The following ADCY4 variants were observed in gnomAD, a reference collection of about 807,000 sequenced individuals.
The protein encoded by ADCY4 is adenylate cyclase type 4.
Under a neutral mutation model 125.5 loss-of-function variants are expected in ADCY4, and 111 were observed. The ratio of observed to expected loss-of-function variants is 0.88; its 90% CI spans 0.76 to 1.04. ADCY4 has a LOEUF of 1.04. Among genes scored for constraint, ADCY4 ranks in the 50% least tolerant of loss-of-function variants. The probability of loss-of-function intolerance (pLI) is 0.00; values close to 1 mark genes in which losing one functional copy is unlikely to be tolerated. For missense variants in ADCY4, 1,256 were observed against 1,382.9 expected, an observed-to-expected ratio of 0.91 and a Z score of 1.46; for synonymous variants, 576 against 586.9, an observed-to-expected ratio of 0.98 and a Z score of 0.27.
chr14:24,324,940 G>A (rs930087050), intron 14 of ADCY4, among the ~76,000 whole-genome samples: 2 of 152,082 alleles, frequency 1.3e-5, no homozygotes, highest in East Asian at 3.9e-4. Flanking sequence ...CTGACCTCAG[G>A]TGATCCACCT....
Position 24,334,875 on chromosome 14 carries a change from T to G in ADCY4, c.-223A>C. On this transcript the variant is annotated 5_prime_UTR_variant, in exon 1 of 25. Coordinates refer to ENST00000418030, the MANE Select transcript of ADCY4 (RefSeq NM_001198568.2). ...GGATCCCTCAGTCCTTTCCTCCTCC[T>G]CCCTCAAACCCGGATTGTAGAGGTG... 1 of 525,408 alleles carries G rather than the reference T, an allele frequency of 1.9e-6. No homozygotes were observed. The highest frequency in any genetic ancestry group is 3.3e-6 in the Non-Finnish European group (1 of 299,266). The allele number at this position is 525,408 out of a possible 1,614,324, so 32.5% of individuals were successfully genotyped here.
At chr14:24,330,804 G>A (rs1393873484) in intron 6 of ADCY4, 13 of 545,442 alleles carry the variant, frequency 2.4e-5, no homozygotes, top group South Asian at 1.6e-4. Flanking sequence ...CATCTGTGGC[G>A]ATATTGAGGG....
At position 24,325,964 on chromosome 14, in the gene ADCY4, G is replaced by A. The variant is rs191733977; in HGVS notation, c.1656-77C>T. 3,245 of 1,583,782 alleles carry A rather than the reference G, an allele frequency of 2.0e-3. 5 individuals are homozygous for A. The highest frequency in any genetic ancestry group is 2.5e-3 in the Non-Finnish European group (2,898 of 1,161,850). ...AAGGGCAGGAAGAGGGCAGAGTGAG[G>A]GCAAGAGGGGGTGGTCAGGCGAGTC... On this transcript the variant is annotated intron_variant, in intron 12 of 24. Coordinates refer to ENST00000418030, the MANE Select transcript of ADCY4 (RefSeq NM_001198568.2).
chr14:24,330,716 G>A (rs1018411669), intron 6 of ADCY4: 11 of 383,988 alleles, frequency 2.9e-5, no homozygotes, highest in East Asian at 1.7e-4. Flanking sequence ...ATATCAGAAC[G>A]TCTCTATAGA....
At chr14:24,321,906 A>G in intron 20 of ADCY4, 160 bp downstream of exon 20, 1 of 1,375,502 alleles carries the variant, frequency 7.3e-7, no homozygotes, top group Non-Finnish European at 9.4e-7. Context: ...TCACCAAAGA[A>G]AGAATCTAAG....
chr14:24,326,585 GT>G, intron 10 of ADCY4: 1 of 400,414 alleles, frequency 2.5e-6, no homozygotes, highest in South Asian at 3.1e-5. Context: ...GTGTGTGTGT[GT>G]GTGTGTGTGT....
At position 24,334,722 on chromosome 14, in the gene ADCY4, G is replaced by T. The variant is rs2042106877; in HGVS notation, c.-70C>A. 5.3e-6 allele frequency: 7 copies of T among 1,309,332 alleles called. No homozygotes were observed. The South Asian group carries it at 1.0e-4, about 19-fold the overall frequency. 81.1% of individuals were successfully genotyped at this position (1,309,332 alleles called of 1,614,324 possible). A position where few individuals can be genotyped will look rare whatever the true frequency, so the allele number is the denominator to read the frequency against. ...CGGGTTACCTCCTTCGGCCCGGCGG[G>T]CCCCACCTGAGCTTTTCTCACCCGC... On this transcript the variant is annotated 5_prime_UTR_variant, in exon 1 of 25. Transcript: ENST00000418030.
chr14:24,326,369 G>A, intron 10 of ADCY4, 27 bp from the exon 11 acceptor site: 7 of 1,596,416 alleles, frequency 4.4e-6, no homozygotes, highest in Non-Finnish European at 5.9e-6. Flanking sequence ...GGGGGAGGTG[G>A]GCATGGTGGG....
rs566576676 is a variant in ADCY4 at position 24,329,473 on chromosome 14, G to A, written c.1278C>T (p.Asp426=). 1.4e-5 allele frequency: 22 copies of A among 1,581,012 alleles called. No individual in the cohort carries two copies. In the South Asian group the frequency reaches 1.4e-4, roughly 10 times the overall value. The change falls in exon 9 of 25, where the codon GAC becomes GAT. Residue 426 remains aspartate (D), a synonymous_variant. Transcript: ENST00000418030. ...ALLAGAYAVE[D]AGMEHRDPYL... Reference sequence around the variant, plus strand: ...AGGGGTCCCGATGCTCCATGCCTGCGTCCTCCACAGCATAAGCCCCTGCCA... The same window carrying A: ...AGGGGTCCCGATGCTCCATGCCTGCATCCTCCACAGCATAAGCCCCTGCCA...
In ADCY4 at chr14:24,319,655, T is replaced by C. The variant is rs2041822661; in HGVS notation, c.2733+87A>G. On this transcript the variant is annotated intron_variant, in intron 21 of 24. Coordinates refer to ENST00000418030, the MANE Select transcript of ADCY4 (RefSeq NM_001198568.2). The surrounding 1 kb of genome is among the most constrained non-coding windows in gnomAD (Gnocchi z 4.5). ...ACTGTGGAGGGGAGGATTGACTTCA[T>C]GGCCAGAAAAGCAAAGTGGAAGGAG... 5.8e-6 allele frequency: 9 copies of C among 1,554,326 alleles called. No homozygotes were observed. The highest frequency in any genetic ancestry group is 7.9e-6 in the Non-Finnish European group (9 of 1,132,238).
intron 23 of ADCY4, 126 bp downstream of exon 23, chr14:24,318,972 T>C: frequency 7.1e-7 from 1 of 1,403,564 alleles, no homozygotes; most frequent in Non-Finnish European, 9.9e-7. Flanking sequence ...TCACACCCCA[T>C]CCCAGGGAGT....
intron 13 of ADCY4, 74 bp downstream of exon 13, chr14:24,325,744 A>G: frequency 6.6e-7 from 1 of 1,521,250 alleles, no homozygotes. Flanking sequence ...GAGGAGACCC[A>G]AGGGCTGACC....
chr14:24,325,400 G>A lies in ADCY4; in HGVS notation c.1800C>T (p.Ile600=). ...ACCTGTTTGTCACTAGCATCTGGAT[G>A]ATGAAGTTGGAGAGAAAAACCAGGA... The part of the protein sequence containing the change: ...CTFLVFLSNF[I]IQMLVTNRPP... The change falls in exon 14 of 25, where the codon ATC becomes ATT. Residue 600 remains isoleucine (I), a synonymous_variant. Transcript: ENST00000418030. 2 of 1,613,618 alleles carry A rather than the reference G, an allele frequency of 1.2e-6. No homozygotes were observed. Among genetic ancestry groups the A allele is most frequent in the Non-Finnish European group, 1.7e-6 (2 of 1,179,958 alleles).
rs780032356 is a variant in ADCY4 at position 24,318,599 on chromosome 14, A to C, written c.3082-31T>G. 1.9e-6 allele frequency: 3 copies of C among 1,614,008 alleles called. No homozygotes were observed. The South Asian group carries it at 3.3e-5, about 18-fold the overall frequency. On this transcript the variant is annotated intron_variant, in intron 24 of 24. Transcript: ENST00000418030. ...ATTGGAGGGGGGCGAGGGAATATGG[A>C]GGTGGCCCTATTCTTAGTCCCCCTC...
At chr14:24,323,595 G>A in intron 16 of ADCY4, 141 bp from the exon 17 acceptor site, 1 of 1,460,448 alleles carries the variant, frequency 6.8e-7, no homozygotes, top group African/African-American at 1.4e-5. Flanking sequence ...GGTTGGGAAG[G>A]GAACCTCAGC....
At chr14:24,333,752 C>A (rs1278421161) in intron 1 of ADCY4, among the ~76,000 whole-genome samples, 2 of 152,302 alleles carry the variant, frequency 1.3e-5, no homozygotes, top group South Asian at 4.1e-4. Context: ...GGACCGCGGC[C>A]GGCAGCTTGA....
rs2041821343 is a variant in ADCY4 at position 24,319,559 on chromosome 14, A to T, written c.2734-123T>A. 6 of 1,250,780 alleles carry T rather than the reference A, an allele frequency of 4.8e-6. No individual in the cohort carries two copies. In the East Asian group the frequency reaches 1.5e-4, roughly 31 times the overall value. The allele number at this position is 1,250,780 out of a possible 1,614,324, so 77.5% of individuals were successfully genotyped here. A position where few individuals can be genotyped will look rare whatever the true frequency, so the allele number is the denominator to read the frequency against. ...CTGTGGGAGTGGAGATAGTGTCAGG[A>T]AGGAGAGGGTTGGTGGTGGGCAGTG... On this transcript the variant is annotated intron_variant, in intron 21 of 24. Coordinates refer to ENST00000418030, the MANE Select transcript of ADCY4 (RefSeq NM_001198568.2). This position sits in a 1 kb window ranked among gnomAD's most constrained non-coding sequence, Gnocchi z 4.5.
intron 15 of ADCY4, 40 bp downstream of exon 15, chr14:24,324,267 G>A: frequency 6.2e-7 from 1 of 1,614,114 alleles, no homozygotes; most frequent in Non-Finnish European, 8.5e-7. Context: ...GTTGTGACCA[G>A]GGCTCCGGCA....
At chr14:24,331,180 C>T in intron 5 of ADCY4, 28 bp downstream of exon 5, 3 of 1,613,814 alleles carry the variant, frequency 1.9e-6, no homozygotes, top group Non-Finnish European at 2.5e-6. Context: ...CCCACAGGCC[C>T]CTCCCCTCCA....
Sources: allele counts gnomAD v4.1 joint callset (sites outside exome capture counted in the v4.1 genomes callset), GRCh38; gene constraint gnomAD v4.1.1; non-coding constraint Gnocchi (gnomAD v3.1); transcripts MANE v1.5; gene names NCBI Gene and HGNC (gene_info 2026-07-23, HGNC 2026-07-21).